Variants in SCG3 observed in about 807,000 individuals in gnomAD.
SCG3 encodes secretogranin-3.
SCG3 carries 38 observed loss-of-function variants against 56.2 expected under a neutral mutation model. The observed-to-expected ratio is 0.68, with a 90% CI of 0.52 to 0.89. SCG3 has a LOEUF of 0.89. Ranked by LOEUF, SCG3 falls within the 40% of genes least tolerant of loss-of-function variation. The probability of loss-of-function intolerance (pLI) is 0.00; values close to 1 mark genes in which losing one functional copy is unlikely to be tolerated. For synonymous variants in SCG3, 176 were observed against 184.2 expected, an observed-to-expected ratio of 0.96 and a Z score of 0.36; for missense variants, 524 against 540.7, an observed-to-expected ratio of 0.97 and a Z score of 0.31.
rs2055484598 is a variant in SCG3 at position 51,719,804 on chromosome 15, T to C, written c.*278T>C. Reference sequence around the variant, plus strand: ...CAGAATATGTTGCTTTGAAAAAGCCTCTAATGGACTGACCTTAAAACTCAT... The same window carrying C: ...CAGAATATGTTGCTTTGAAAAAGCCCCTAATGGACTGACCTTAAAACTCAT... On this transcript the variant is annotated 3_prime_UTR_variant, in exon 12 of 12. Transcript: ENST00000220478. 1 of 357,246 alleles carries C rather than the reference T, an allele frequency of 2.8e-6. No homozygotes were observed. The highest frequency in any genetic ancestry group is 5.1e-6 in the Non-Finnish European group (1 of 195,848). 22.1% of individuals were successfully genotyped at this position (357,246 alleles called of 1,614,324 possible).
chr15:51,695,107 G>A (rs865936686), intron 7 of SCG3, among the ~76,000 whole-genome samples: 1 of 152,022 alleles, frequency 6.6e-6, no homozygotes, highest in African/African-American at 2.4e-5. Context: ...AGGGGATGAG[G>A]AAGAGAATAT....
At chr15:51,692,804 A>C (rs1285096446) in intron 7 of SCG3, among the ~76,000 whole-genome samples, 1 of 152,196 alleles carries the variant, frequency 6.6e-6, no homozygotes, top group East Asian at 1.9e-4. Flanking sequence ...ATACATTGTG[A>C]AATGATTATC....
intron 4 of SCG3, among the ~76,000 whole-genome samples, chr15:51,684,372 T>C (rs1006599185): frequency 1.3e-5 from 2 of 151,990 alleles, no homozygotes; most frequent in African/African-American, 4.8e-5. Context: ...AAGTCAGGAG[T>C]TCAAGACCAA....
chr15:51,715,239 T>C (rs1286566745), intron 11 of SCG3: 2 of 152,232 alleles, frequency 1.3e-5, no homozygotes, highest in Non-Finnish European at 1.5e-5. Flanking sequence ...TTGGGTTCGA[T>C]GCTCCCTTTT....
At chr15:51,705,751 A>T (rs2055371197) in intron 10 of SCG3, among the ~76,000 whole-genome samples, 1 of 152,168 alleles carries the variant, frequency 6.6e-6, no homozygotes, top group African/African-American at 2.4e-5. Flanking sequence ...CAAACTCCCG[A>T]CATCAGGTGA....
intron 10 of SCG3, among the ~76,000 whole-genome samples, chr15:51,710,031 C>T (rs983772025): frequency 2.0e-5 from 3 of 151,356 alleles, no homozygotes; most frequent in Admixed American, 1.3e-4. Flanking sequence ...CCACCGCGCC[C>T]GGCCGGCTTG....
chr15:51,687,938 G>A (rs1181292010), intron 4 of SCG3, among the ~76,000 whole-genome samples: 3 of 152,062 alleles, frequency 2.0e-5, no homozygotes, highest in African/African-American at 7.2e-5. Flanking sequence ...TATAAATATG[G>A]CATACTATGT....
In SCG3 at chr15:51,720,229, C is replaced by T. The variant is rs2055487702; in HGVS notation, c.*703C>T. On this transcript the variant is annotated 3_prime_UTR_variant, in exon 12 of 12. Coordinates refer to ENST00000220478, the MANE Select transcript of SCG3 (RefSeq NM_013243.4). ...CTAAGAAGACAAATGAGGTCATAAACACTGCATAAAGCAAGGCAAAAATGT... is the reference window on the plus strand; with the variant it reads ...CTAAGAAGACAAATGAGGTCATAAATACTGCATAAAGCAAGGCAAAAATGT... 1 of 152,226 alleles carries T rather than the reference C, an allele frequency of 6.6e-6. No individual in the cohort carries two copies. The highest frequency in any genetic ancestry group is 2.4e-5 in the African/African-American group (1 of 41,450). 9.4% of individuals were successfully genotyped at this position (152,226 alleles called of 1,614,324 possible). A position where few individuals can be genotyped will look rare whatever the true frequency, so the allele number is the denominator to read the frequency against.
At chr15:51,700,983 C>G in intron 9 of SCG3, 124 bp from the exon 10 acceptor site, 1 of 1,232,682 alleles carries the variant, frequency 8.1e-7, no homozygotes. Flanking sequence ...CACTAAGATC[C>G]CTTTCAACTC....
intron 10 of SCG3, among the ~76,000 whole-genome samples, chr15:51,709,633 T>TA (rs56891222): frequency 6.6e-5 from 7 of 106,570 alleles, no homozygotes; most frequent in Non-Finnish European, 1.3e-4. Context: ...TCATTTTCAC[T>TA]AAAAAAAAAG....
intron 10 of SCG3, among the ~76,000 whole-genome samples, chr15:51,708,453 A>C (rs2055389776): frequency 6.6e-6 from 1 of 152,150 alleles, no homozygotes; most frequent in Non-Finnish European, 1.5e-5. Flanking sequence ...AAAAGTACAA[A>C]TGTTTGGTCC....
At chr15:51,712,016 T>A (rs2055424048) in intron 10 of SCG3, among the ~76,000 whole-genome samples, 1 of 152,222 alleles carries the variant, frequency 6.6e-6, no homozygotes, top group Admixed American at 6.5e-5. Context: ...TGGACTGTAG[T>A]TGGAGGTACC....
chr15:51,689,890 T>C (rs780245396), intron 6 of SCG3, among the ~76,000 whole-genome samples: 5 of 152,202 alleles, frequency 3.3e-5, no homozygotes, highest in Non-Finnish European at 7.3e-5. Flanking sequence ...GTAAAGATTA[T>C]GTTATATTCT....
chr15:51,713,116 C>A, intron 10 of SCG3: 1 of 352,006 alleles, frequency 2.8e-6, no homozygotes, highest in South Asian at 3.0e-5. Flanking sequence ...GATTCTTCCT[C>A]CTGGAACCTC....
Position 51,681,567 on chromosome 15 carries a change from C to G in SCG3, c.-189C>G. On this transcript the variant is annotated 5_prime_UTR_variant, in exon 1 of 12. Transcript: ENST00000220478. ...TCTACCTGGAGACTTGACTCCCGCG[C>G]GCCCCAACCCTGCTTATCCCTTGAC... The G allele has an allele frequency of 3.4e-6, 2 of 585,296 alleles. No homozygotes were observed. The highest frequency in any genetic ancestry group is 6.1e-6 in the Non-Finnish European group (2 of 326,358). The allele number at this position is 585,296 out of a possible 1,614,324, so 36.3% of individuals were successfully genotyped here. A position where few individuals can be genotyped will look rare whatever the true frequency, so the allele number is the denominator to read the frequency against.
chr15:51,688,374 T>C lies in SCG3; in HGVS notation c.512T>C (p.Ile171Thr), dbSNP rs752083122. Residue 171 changes from isoleucine (I) to threonine (T), a missense_variant, in exon 5 of 12, where the codon ATT becomes ACT. Ile to Thr is a moderately conservative substitution (Grantham distance 89). Coordinates refer to ENST00000220478, the MANE Select transcript of SCG3 (RefSeq NM_013243.4). Reference protein sequence around the residue: ...EENDRAVFDKIVSKLLNLGLI... With the variant: ...EENDRAVFDKTVSKLLNLGLI... ...AATGACAGAGCCGTGTTTGACAAGA[T>C]TGTTTCTAAACTACTTAATCTCGGC... 3 of 1,613,762 alleles carry C rather than the reference T, an allele frequency of 1.9e-6. No individual in the cohort carries two copies. Among genetic ancestry groups the C allele is most frequent in the Non-Finnish European group, 2.5e-6 (3 of 1,179,762 alleles).
At chr15:51,691,585 C>T (rs1217265917) in intron 6 of SCG3, among the ~76,000 whole-genome samples, 1 of 152,114 alleles carries the variant, frequency 6.6e-6, no homozygotes, top group Non-Finnish European at 1.5e-5. Context: ...GCAAGAAAGG[C>T]TGTTAAATTT....
In SCG3 at chr15:51,720,505, G is replaced by A. The variant is rs1223757095; in HGVS notation, c.*979G>A. On this transcript the variant is annotated 3_prime_UTR_variant, in exon 12 of 12. Coordinates refer to ENST00000220478, the MANE Select transcript of SCG3 (RefSeq NM_013243.4). ...TCCTCTTGAAATGTTAATGGTTAAT[G>A]TTCCCAAACCAGAGAATGCTTTGAA... 6.6e-6 allele frequency: 1 copy of A among 152,214 alleles called. No individual in the cohort carries two copies. The highest frequency in any genetic ancestry group is 1.5e-5 in the Non-Finnish European group (1 of 68,044). The allele number at this position is 152,214 out of a possible 1,614,324, so 9.4% of individuals were successfully genotyped here.
intron 10 of SCG3, 122 bp downstream of exon 10, chr15:51,701,366 A>G: frequency 1.0e-6 from 1 of 997,834 alleles, no homozygotes; most frequent in South Asian, 1.8e-5. Flanking sequence ...CAATCTGTAT[A>G]GAACAGGCTT....
Sources: gnomAD v4.1 joint callset for allele counts (sites outside exome capture counted in the v4.1 genomes callset) on GRCh38, gnomAD v4.1.1 for gene constraint, MANE v1.5 for transcripts, NCBI Gene and HGNC (gene_info 2026-07-23, HGNC 2026-07-21) for gene names.